Variants in IFT56 observed in about 807,000 individuals in gnomAD.
IFT56 encodes intraflagellar transport 56.
At chr7:139,187,629 C>A in the IFT56 span, 6 of 1,462,576 alleles carry the variant, frequency 4.1e-6, no homozygotes, top group South Asian at 2.5e-5. Context: ...CTTCTGAAAA[C>A]ACATGATTAT....
the IFT56 span, among the ~76,000 whole-genome samples, chr7:139,147,934 G>A: frequency 6.6e-6 from 1 of 152,144 alleles, no homozygotes; most frequent in Non-Finnish European, 1.5e-5. Context: ...GAGTGTGCTT[G>A]TGTTTATGTT....
the IFT56 span, among the ~76,000 whole-genome samples, chr7:139,155,651 T>A: frequency 6.6e-6 from 1 of 152,182 alleles, no homozygotes; most frequent in Non-Finnish European, 1.5e-5. Flanking sequence ...TCGTGAATAA[T>A]CTTTTTAATA....
At chr7:139,158,988 A>T in the IFT56 span, among the ~76,000 whole-genome samples, 2 of 152,188 alleles carry the variant, frequency 1.3e-5, no homozygotes, top group Admixed American at 6.5e-5. Flanking sequence ...TCTTCTCTTT[A>T]CATATCACAT....
chr7:139,179,601 A>G, the IFT56 span: 7 of 1,614,092 alleles, frequency 4.3e-6, no homozygotes, highest in South Asian at 7.7e-5. Context: ...AAGTGAGAAG[A>G]TGAAAAATGA....
chr7:139,147,669 C>T, the IFT56 span, among the ~76,000 whole-genome samples: 4 of 152,116 alleles, frequency 2.6e-5, no homozygotes, highest in African/African-American at 9.7e-5. Context: ...TGATATTACC[C>T]CAGTTGAAAT....
the IFT56 span, chr7:139,137,891 G>T: frequency 6.2e-7 from 1 of 1,613,578 alleles, no homozygotes; most frequent in Non-Finnish European, 8.5e-7. Flanking sequence ...CTAATTTGTG[G>T]ATTGGATATT....
chr7:139,167,596 CT>C, the IFT56 span, among the ~76,000 whole-genome samples: 19 of 151,188 alleles, frequency 1.3e-4, no homozygotes, highest in Non-Finnish European at 2.4e-4. Context: ...TCAGAGGACA[CT>C]TTTTTTTTAT....
chr7:139,142,012 T>C, the IFT56 span, among the ~76,000 whole-genome samples: 3 of 152,318 alleles, frequency 2.0e-5, no homozygotes, highest in Admixed American at 1.3e-4. Context: ...TGGATCACCA[T>C]AATAGGATCA....
chr7:139,184,848 A>G, the IFT56 span, among the ~76,000 whole-genome samples: 1 of 151,802 alleles, frequency 6.6e-6, no homozygotes, highest in African/African-American at 2.4e-5. Flanking sequence ...AGGTCAGGAG[A>G]TCGAGACCAT....
At chr7:139,173,062 T>G in the IFT56 span, 1 of 732,706 alleles carries the variant, frequency 1.4e-6, no homozygotes, top group South Asian at 1.4e-5. Flanking sequence ...CAACTCAGCT[T>G]TGCGCCTTTT....
chr7:139,171,482 A>G, the IFT56 span, among the ~76,000 whole-genome samples: 2 of 152,222 alleles, frequency 1.3e-5, no homozygotes, highest in African/African-American at 2.4e-5. Context: ...TGGTACTGGC[A>G]TAAACACAGA....
chr7:139,168,112 T>C, the IFT56 span, among the ~76,000 whole-genome samples: 8 of 152,230 alleles, frequency 5.3e-5, no homozygotes, highest in Admixed American at 2.0e-4. Flanking sequence ...TATTTTTGCT[T>C]AAGATTGAGA....
At chr7:139,174,694 G>A in the IFT56 span, among the ~76,000 whole-genome samples, 1 of 152,120 alleles carries the variant, frequency 6.6e-6, no homozygotes, top group Admixed American at 6.5e-5. Flanking sequence ...ATTTAAAAAT[G>A]AGCAAAAGCT....
the IFT56 span, among the ~76,000 whole-genome samples, chr7:139,184,350 A>C: frequency 9.8e-5 from 15 of 152,356 alleles, no homozygotes; most frequent in African/African-American, 3.4e-4. Context: ...TTGCATTTGC[A>C]GGGTGACCAG....
the IFT56 span, chr7:139,142,230 A>G: frequency 2.5e-6 from 4 of 1,613,812 alleles, no homozygotes; most frequent in Non-Finnish European, 3.4e-6. Flanking sequence ...GAGTTCTTTA[A>G]TAAGCAGCTT....
chr7:139,148,362 T>C, the IFT56 span: 5 of 1,610,492 alleles, frequency 3.1e-6, no homozygotes, highest in Non-Finnish European at 4.2e-6. Flanking sequence ...GCCTTTACAA[T>C]GGCAGAGCAG....
chr7:139,138,300 A>G, the IFT56 span, among the ~76,000 whole-genome samples: 6 of 152,338 alleles, frequency 3.9e-5, no homozygotes, highest in Non-Finnish European at 2.9e-5. Context: ...CCACATCCTC[A>G]TAACTTTTAT....
the IFT56 span, among the ~76,000 whole-genome samples, chr7:139,154,558 A>G: frequency 6.6e-6 from 1 of 152,160 alleles, no homozygotes; most frequent in African/African-American, 2.4e-5. Context: ...GCTTGTAAAT[A>G]TCCAGTTATT....
the IFT56 span, among the ~76,000 whole-genome samples, chr7:139,146,766 CAAAAAAA>C: frequency 6.8e-5 from 6 of 88,718 alleles, no homozygotes; most frequent in East Asian, 2.9e-4. Context: ...GACTCCGTTT[CAAAAAAA>C]AAAAAAAAAA....
Sources: allele counts gnomAD v4.1 joint callset (sites outside exome capture counted in the v4.1 genomes callset), GRCh38; gene constraint gnomAD v4.1.1; transcripts MANE v1.5; gene names NCBI Gene and HGNC (gene_info 2026-07-23, HGNC 2026-07-21).